The following ALPK3 variants were observed in gnomAD, a reference collection of about 807,000 sequenced individuals.
The protein encoded by ALPK3 is alpha kinase 3.
ALPK3 carries 102 observed loss-of-function variants against 140.0 expected under a neutral mutation model. The observed-to-expected ratio is 0.73, with a 90% CI of 0.62 to 0.86. The LOEUF is 0.86. Among genes scored for constraint, ALPK3 ranks in the 40% least tolerant of loss-of-function variants. ALPK3 has a pLI of 0.00. For synonymous variants in ALPK3, 938 were observed against 898.5 expected, an observed-to-expected ratio of 1.04 and a Z score of -0.79; for missense variants, 2,254 against 2,208.2, an observed-to-expected ratio of 1.02 and a Z score of -0.42.
rs1963869473 is a variant in ALPK3 at position 84,856,939 on chromosome 15, C to T, written c.2201C>T (p.Pro734Leu). ...SEQEVATSLGPPSRTPKLPPT... is the reference protein window; with the variant it reads ...SEQEVATSLGLPSRTPKLPPT... ...CAAGAGGTGGCAACCAGCCTCGGCC[C>T]ACCATCCAGAACCCCCAAACTCCCA... Residue 734 changes from proline (P) to leucine (L), a missense_variant, in exon 6 of 14, where the codon CCA becomes CTA. Pro to Leu is a moderately conservative substitution (Grantham distance 98). This residue lies in a region of ALPK3 where 2,088 missense variants were observed against 2,022.9 expected (regional missense o/e 1.03). Coordinates refer to ENST00000258888, the MANE Select transcript of ALPK3 (RefSeq NM_020778.5). 6.2e-7 allele frequency: 1 copy of T among 1,614,052 alleles called. No individual in the cohort carries two copies. Among genetic ancestry groups the T allele is most frequent in the Admixed American group, 1.7e-5 (1 of 60,008 alleles).
chr15:84,826,856 G>A (rs1054312861), intron 2 of ALPK3, among the ~76,000 whole-genome samples: 1 of 152,136 alleles, frequency 6.6e-6, no homozygotes. Context: ...GCCCCATTTC[G>A]GCTGGGTCTC....
chr15:84,840,402 G>A lies in ALPK3; in HGVS notation c.1123G>A (p.Ala375Thr). ...QVQTQPRGRA[A>T]RGPGSSGTDS... ...TCAGACCCAGCCCAGAGGCAGGGCTGCACGGGGGCCTGGGTCCTCTGGCAC... is the reference window on the plus strand; with the variant it reads ...TCAGACCCAGCCCAGAGGCAGGGCTACACGGGGGCCTGGGTCCTCTGGCAC... Residue 375 changes from alanine (A) to threonine (T), a missense_variant, in exon 5 of 14, where the codon GCA becomes ACA. This residue lies in a region of ALPK3 where 2,088 missense variants were observed against 2,022.9 expected (regional missense o/e 1.03). Transcript: ENST00000258888. 3.1e-6 allele frequency: 5 copies of A among 1,613,908 alleles called. No individual in the cohort carries two copies. The highest frequency in any genetic ancestry group is 2.2e-5 in the East Asian group (1 of 44,876).
chr15:84,848,172 A>G (rs1963758518), intron 5 of ALPK3, among the ~76,000 whole-genome samples: 1 of 152,144 alleles, frequency 6.6e-6, no homozygotes, highest in South Asian at 2.1e-4. Flanking sequence ...AGGGCAATGG[A>G]AATGGTAAAT....
In ALPK3 at chr15:84,858,208, A is replaced by T. The variant is rs777196267; in HGVS notation, c.3470A>T (p.Glu1157Val). 1 of 1,612,690 alleles carries T rather than the reference A, an allele frequency of 6.2e-7. No individual in the cohort carries two copies. The highest frequency in any genetic ancestry group is 8.5e-7 in the Non-Finnish European group (1 of 1,179,394). Residue 1157 changes from glutamate (E) to valine (V), a missense_variant, in exon 6 of 14, where the codon GAG (glutamate) becomes GTG (valine). This residue lies in a region of ALPK3 where 2,088 missense variants were observed against 2,022.9 expected (regional missense o/e 1.03). Transcript: ENST00000258888. Reference sequence around the variant, plus strand: ...ACAGGTCTCCCGGCAGCTACACCTGAGGAACTGGCTCTAGGGGCCCGGAGG... The same window carrying T: ...ACAGGTCTCCCGGCAGCTACACCTGTGGAACTGGCTCTAGGGGCCCGGAGG... ...ALTGLPAATP[E>V]ELALGARRKR...
chr15:84,833,180 A>C (rs949116641), intron 3 of ALPK3, among the ~76,000 whole-genome samples: 1 of 152,144 alleles, frequency 6.6e-6, no homozygotes, highest in Non-Finnish European at 1.5e-5. Flanking sequence ...AACGCCACCA[A>C]TGGAGTCTGT....
intron 5 of ALPK3, among the ~76,000 whole-genome samples, chr15:84,854,380 G>A (rs540773635): frequency 3.3e-5 from 5 of 151,936 alleles, no homozygotes; most frequent in Non-Finnish European, 5.9e-5. Flanking sequence ...CTCCGCCCCC[G>A]GGTTCAAGCG....
chr15:84,858,663 C>T lies in ALPK3; in HGVS notation c.3817+108C>T, dbSNP rs566202045. 2,078 of 1,416,484 alleles carry T rather than the reference C, an allele frequency of 1.5e-3. 4 individuals are homozygous for T. Among genetic ancestry groups the T allele is most frequent in the Middle Eastern group, 2.0e-3 (8 of 4,056 alleles). 87.7% of individuals were successfully genotyped at this position (1,416,484 alleles called of 1,614,324 possible). On this transcript the variant is annotated intron_variant, in intron 6 of 13. Coordinates refer to ENST00000258888, the MANE Select transcript of ALPK3 (RefSeq NM_020778.5). ...CCATGACAGATAGCATATCCCTCCT[C>T]GGGATTCATAAATTACCTTGGTAAA...
In ALPK3 at chr15:84,823,363, T is replaced by A. The variant is rs1963449741; in HGVS notation, c.177T>A (p.Ser59=). Residue 59 remains serine, a synonymous_variant, in exon 2 of 14, where the codon TCT becomes TCA. Coordinates refer to ENST00000258888, the MANE Select transcript of ALPK3 (RefSeq NM_020778.5). ...GCAACCGGTTGTCTCACCCCAGCTCTGGAAGGTAAATGCATATTGCACTAC... is the reference window on the plus strand; with the variant it reads ...GCAACCGGTTGTCTCACCCCAGCTCAGGAAGGTAAATGCATATTGCACTAC... ...LSSNRLSHPS[S]GRSTFCSIIA... The A allele has an allele frequency of 6.2e-7, 1 of 1,614,102 alleles. No individual in the cohort carries two copies. Among genetic ancestry groups the A allele is most frequent in the African/African-American group, 1.3e-5 (1 of 74,936 alleles).
At chr15:84,824,754 G>C (rs1963466711) in intron 2 of ALPK3, among the ~76,000 whole-genome samples, 1 of 152,156 alleles carries the variant, frequency 6.6e-6, no homozygotes, top group Admixed American at 6.5e-5. Flanking sequence ...AGAGACATAT[G>C]ATTAGTCTGT....
At chr15:84,826,924 G>A (rs1596146210) in intron 2 of ALPK3, among the ~76,000 whole-genome samples, 1 of 152,050 alleles carries the variant, frequency 6.6e-6, no homozygotes, top group Non-Finnish European at 1.5e-5. Flanking sequence ...CCCTAGCATT[G>A]GCCAGCTTAT....
intron 3 of ALPK3, among the ~76,000 whole-genome samples, chr15:84,830,705 G>T (rs923784469): frequency 2.0e-5 from 3 of 152,250 alleles, no homozygotes; most frequent in Admixed American, 6.5e-5. Flanking sequence ...TGGTTTGGTT[G>T]GTTTGTTTTT....
At chr15:84,846,148 C>T (rs1963728667) in intron 5 of ALPK3, among the ~76,000 whole-genome samples, 1 of 152,146 alleles carries the variant, frequency 6.6e-6, no homozygotes, top group Non-Finnish European at 1.5e-5. Flanking sequence ...GAAACTATAA[C>T]CTCAGAGGCC....
chr15:84,823,843 G>T (rs530329726), intron 2 of ALPK3, among the ~76,000 whole-genome samples: 1 of 151,888 alleles, frequency 6.6e-6, no homozygotes, highest in African/African-American at 2.4e-5. Flanking sequence ...TCTGAGTAGC[G>T]GGGACTACAG....
At chr15:84,862,263 G>A (rs922833548) in intron 9 of ALPK3, among the ~76,000 whole-genome samples, 1 of 152,050 alleles carries the variant, frequency 6.6e-6, no homozygotes, top group African/African-American at 2.4e-5. Flanking sequence ...TCAAAACAAC[G>A]AATTCCAAAA....
Position 84,857,243 on chromosome 15 carries a change from G to T in ALPK3, c.2505G>T (p.Pro835=), listed in dbSNP as rs766790616. ...TCGAGGCCAAGCAGGAGGACAGCCC[G>T]TTCCAGTGCCCCAAGGAGGAGCGGC... ...GPVEAKQEDS[P]FQCPKEERPG... is the part of the protein sequence containing the mutation. Residue 835 remains proline (P), a synonymous_variant, in exon 6 of 14, where the codon CCG becomes CCT. Transcript: ENST00000258888. 2 of 1,613,972 alleles carry T rather than the reference G, an allele frequency of 1.2e-6. No individual in the cohort carries two copies. Among genetic ancestry groups the T allele is most frequent in the South Asian group, 1.1e-5 (1 of 91,066 alleles).
chr15:84,859,171 G>A, intron 6 of ALPK3, 72 bp from the exon 7 acceptor site: 1 of 1,587,128 alleles, frequency 6.3e-7, no homozygotes. Context: ...TTTCCACCAA[G>A]GACACCCAGG....
intron 5 of ALPK3, among the ~76,000 whole-genome samples, chr15:84,847,209 GA>G (rs1963741655): frequency 2.2e-3 from 10 of 4,514 alleles, no homozygotes; most frequent in East Asian, 0.014. Flanking sequence ...GAGAAACGGG[GA>G]GAGAGAGAGA....
Position 84,857,370 on chromosome 15 carries a change from A to G in ALPK3, c.2632A>G (p.Ser878Gly). ...PSLPGTGLTA[S>G]PKAGPCSTPT... ...TCTTCCTGGAACTGGGCTGACAGCT[A>G]GCCCAAAGGCGGGGCCGTGTAGCAC... The change falls in exon 6 of 14, where the codon AGC becomes GGC. Residue 878 changes from serine to glycine, a missense_variant. Physicochemically the swap from Ser to Gly is moderately conservative, Grantham distance 56. Coordinates refer to ENST00000258888, the MANE Select transcript of ALPK3 (RefSeq NM_020778.5). The G allele has an allele frequency of 6.2e-7, 1 of 1,614,146 alleles. No individual in the cohort carries two copies. Among genetic ancestry groups the G allele is most frequent in the Non-Finnish European group, 8.5e-7 (1 of 1,180,038 alleles).
chr15:84,843,809 A>G (rs1241034331), intron 5 of ALPK3, among the ~76,000 whole-genome samples: 1 of 152,218 alleles, frequency 6.6e-6, no homozygotes, highest in Non-Finnish European at 1.5e-5. Flanking sequence ...ATTGGCCCAC[A>G]GGTTGCCGGG....
Sources: allele counts gnomAD v4.1 joint callset (sites outside exome capture counted in the v4.1 genomes callset), GRCh38; gene constraint gnomAD v4.1.1; regional missense constraint gnomAD v4.1.1; transcripts MANE v1.5; gene names NCBI Gene and HGNC (gene_info 2026-07-23, HGNC 2026-07-21).